ANKLE2: variants seen among roughly 807,000 people sequenced by gnomAD.
ANKLE2 encodes ankyrin repeat and LEM domain containing 2.
ANKLE2 carries 55 observed loss-of-function variants against 84.2 expected under a neutral mutation model. The observed-to-expected ratio is 0.65, with a 90% CI of 0.53 to 0.82. The LOEUF is 0.82. Ranked by LOEUF, ANKLE2 falls within the 40% of genes least tolerant of loss-of-function variation. ANKLE2 has a pLI of 0.00. For synonymous variants in ANKLE2, 551 were observed against 486.1 expected, an observed-to-expected ratio of 1.13 and a Z score of -1.76; for missense variants, 1,238 against 1,201.9, an observed-to-expected ratio of 1.03 and a Z score of -0.44.
chr12:132,757,495 T>TTCTAC (rs1180716138), intron 1 of ANKLE2: 1 of 152,110 alleles, frequency 6.6e-6, no homozygotes, highest in African/African-American at 2.4e-5. Flanking sequence ...CCAGCCTGGG[T>TTCTAC]AACACAGCGA....
At chr12:132,761,559 G>C in intron 1 of ANKLE2, 59 bp downstream of exon 1, 5 of 1,179,180 alleles carry the variant, frequency 4.2e-6, no homozygotes, top group Non-Finnish European at 5.3e-6. Flanking sequence ...GGCCCGAGGA[G>C]GGCGTCGGGG....
At position 132,755,156 on chromosome 12, in the gene ANKLE2, A is replaced by C. The variant is rs1009631807; in HGVS notation, c.182-23T>G. On this transcript the variant is annotated intron_variant, in intron 1 of 12. Transcript: ENST00000357997. ...CACCTAGGCCCAAGACAAAAAAATC[A>C]AAGAGTCACAAAATACTAACACCTG... is the stretch of plus-strand genomic sequence containing the variant. The C allele has an allele frequency of 7.0e-6, 11 of 1,567,388 alleles. No homozygotes were observed. The highest frequency in any genetic ancestry group is 1.4e-5 in the African/African-American group (1 of 73,374).
intron 2 of ANKLE2, among the ~76,000 whole-genome samples, 172 bp downstream of exon 2, chr12:132,754,503 A>G (rs1300015863): frequency 6.6e-6 from 1 of 152,222 alleles, no homozygotes; most frequent in Admixed American, 6.5e-5. Flanking sequence ...AAATTCACAA[A>G]TATTTCAGAA....
At chr12:132,734,615 G>GA in intron 9 of ANKLE2, 40 bp from the exon 10 acceptor site, 1 of 1,559,152 alleles carries the variant, frequency 6.4e-7, no homozygotes. Flanking sequence ...TGTGAAACCA[G>GA]AAAAAATACT....
intron 11 of ANKLE2, among the ~76,000 whole-genome samples, chr12:132,728,573 C>T (rs1312585902): frequency 6.6e-6 from 1 of 152,216 alleles, no homozygotes; most frequent in African/African-American, 2.4e-5. Flanking sequence ...CACAAAACAA[C>T]AGTGTGCAAG....
rs777142077 is a variant in ANKLE2 at position 132,727,247 on chromosome 12, G to T, written c.2812C>A (p.Leu938Met). Residue 938 changes from leucine to methionine, a missense_variant, in exon 13 of 13, where the codon CTG becomes ATG. By Grantham distance (15) the Leu-to-Met change is conservative. Coordinates refer to ENST00000357997, the MANE Select transcript of ANKLE2 (RefSeq NM_015114.3). ...RMARLAELAA[L>M] ...CCGAGAGCCCAGCGCCAAGCCTACA[G>T]GGCGGCAAGCTCAGCCAGGCGCGCC... 6.4e-7 allele frequency: 1 copy of T among 1,556,188 alleles called. No homozygotes were observed. The highest frequency in any genetic ancestry group is 1.4e-5 in the African/African-American group (1 of 73,510).
intron 5 of ANKLE2, among the ~76,000 whole-genome samples, chr12:132,744,055 C>G (rs576969456): frequency 3.9e-5 from 6 of 152,218 alleles, no homozygotes; most frequent in Non-Finnish European, 8.8e-5. Context: ...CATGACGCTG[C>G]GTCACGCCCT....
intron 9 of ANKLE2, chr12:132,734,890 T>C (rs1455681792): frequency 5.6e-6 from 2 of 354,476 alleles, no homozygotes; most frequent in African/African-American, 4.3e-5. Context: ...GACGGACGTG[T>C]TCATGATCAC....
intron 1 of ANKLE2, chr12:132,758,116 A>T (rs2044524200): frequency 6.6e-6 from 1 of 152,234 alleles, no homozygotes; most frequent in African/African-American, 2.4e-5. Context: ...TTGCATTAGA[A>T]TAAAGCCAGG....
intron 10 of ANKLE2, among the ~76,000 whole-genome samples, chr12:132,733,595 T>A (rs2043941561): frequency 6.7e-6 from 1 of 150,124 alleles, no homozygotes; most frequent in Non-Finnish European, 1.5e-5. Flanking sequence ...TGAAGCACTC[T>A]GCATCCTGGT....
chr12:132,761,613 CT>C lies in ANKLE2; in HGVS notation c.181+4del. On this transcript the variant is annotated splice_donor_region_variant and intron_variant, in intron 1 of 12. Coordinates refer to ENST00000357997, the MANE Select transcript of ANKLE2 (RefSeq NM_015114.3). ...GCGGGGACCCAGCGACCGCCTGGGC[CT>C]TACCTGAGGCGGGGGCGGCGGCCGC... 1 of 1,250,740 alleles carries C rather than the reference CT, an allele frequency of 8.0e-7. No homozygotes were observed. Among genetic ancestry groups the C allele is most frequent in the Non-Finnish European group, 1.0e-6 (1 of 997,078 alleles). 77.5% of individuals were successfully genotyped at this position (1,250,740 alleles called of 1,614,324 possible). A position where few individuals can be genotyped will look rare whatever the true frequency, so the allele number is the denominator to read the frequency against.
intron 8 of ANKLE2, 59 bp from the exon 9 acceptor site, chr12:132,735,571 A>C: frequency 7.1e-7 from 1 of 1,416,532 alleles, no homozygotes; most frequent in Non-Finnish European, 9.8e-7. Flanking sequence ...CAGCTGCGGA[A>C]ACCTGAAGAG....
At position 132,753,181 on chromosome 12, in the gene ANKLE2, G is replaced by A. The variant is rs1273047857; in HGVS notation, c.640+1494C>T. ...CAAAAAAACTGGCGCGTACTGGCACGTGCCCGTGATCCCAGCGATCCCAAG... is the reference window on the plus strand; with the variant it reads ...CAAAAAAACTGGCGCGTACTGGCACATGCCCGTGATCCCAGCGATCCCAAG... On this transcript the variant is annotated intron_variant, in intron 2 of 12. Coordinates refer to ENST00000357997, the MANE Select transcript of ANKLE2 (RefSeq NM_015114.3). 6.6e-5 allele frequency among the ~76,000 whole-genome samples: 10 copies of A among 152,032 alleles called. No homozygotes were observed. In the East Asian group the frequency reaches 1.2e-3, roughly 18 times the overall value.
chr12:132,761,670 G>A lies in ANKLE2; in HGVS notation c.129C>T (p.Gly43=). 1.5e-6 allele frequency: 2 copies of A among 1,336,300 alleles called. No individual in the cohort carries two copies. The highest frequency in any genetic ancestry group is 1.8e-5 in the South Asian group (1 of 54,332). The allele number at this position is 1,336,300 out of a possible 1,614,324, so 82.8% of individuals were successfully genotyped here. ...GCGGAGGAACTGGGGTCCCGCTGCG[G>A]CCCAGACCTCCCGGCCGCGGGCCCA... ...RRLGPRPGGL[G]RSGTPVPPPS... Residue 43 remains glycine (G), a synonymous_variant, in exon 1 of 13, where the codon GGC becomes GGT. Transcript: ENST00000357997.
At chr12:132,752,380 C>T (rs2044376328) in intron 2 of ANKLE2, among the ~76,000 whole-genome samples, 1 of 152,082 alleles carries the variant, frequency 6.6e-6, no homozygotes, top group Non-Finnish European at 1.5e-5. Context: ...AAAATAAAAA[C>T]TGCACCATGA....
At chr12:132,740,834 C>CGAGTGGGGAGGGAACGTCCCGGAGGT (rs1460013501) in intron 7 of ANKLE2, among the ~76,000 whole-genome samples, 1 of 151,986 alleles carries the variant, frequency 6.6e-6, no homozygotes, top group East Asian at 1.9e-4. Context: ...CTCCCAGAGG[C>CGAGTGGGGAGGGAACGTCCCGGAGGT]GAGTGGGGAG....
intron 1 of ANKLE2, chr12:132,757,143 T>A (rs115505993): frequency 6.6e-6 from 1 of 152,200 alleles, no homozygotes; most frequent in African/African-American, 2.4e-5. Flanking sequence ...TGTGCACCAT[T>A]ACCGTGTGAA....
At chr12:132,753,274 G>C (rs192818537) in intron 2 of ANKLE2, among the ~76,000 whole-genome samples, 13 of 151,850 alleles carry the variant, frequency 8.6e-5, no homozygotes, top group African/African-American at 1.2e-4. Context: ...GAGTTGTTGA[G>C]ATTGCATCAC....
chr12:132,760,398 ATCTAT>A (rs1566043577), intron 1 of ANKLE2: 1 of 152,078 alleles, frequency 6.6e-6, no homozygotes, highest in African/African-American at 2.4e-5. Context: ...TAATTCAGTC[ATCTAT>A]TCTGACAGCG....
Sources: gnomAD v4.1 joint callset for allele counts (sites outside exome capture counted in the v4.1 genomes callset) on GRCh38, gnomAD v4.1.1 for gene constraint, MANE v1.5 for transcripts, NCBI Gene and HGNC (gene_info 2026-07-23, HGNC 2026-07-21) for gene names.